The following B3GALT1 variants were observed in gnomAD, a reference collection of about 807,000 sequenced individuals.
B3GALT1 encodes the protein UDP-Gal:betaGlcNAc beta 1,3-galactosyltransferase, polypeptide 1.
In B3GALT1, 10 loss-of-function variants were observed where a neutral mutation model predicts 23.2. The ratio of observed to expected loss-of-function variants is 0.43; its 90% CI spans 0.27 to 0.73. The LOEUF (loss-of-function observed/expected upper bound fraction) is 0.73, where lower values mean the gene tolerates loss of function less well. Ranked by LOEUF, B3GALT1 falls within the 30% of genes least tolerant of loss-of-function variation. The probability of loss-of-function intolerance (pLI) is 0.21; values close to 1 mark genes in which losing one functional copy is unlikely to be tolerated. For synonymous variants in B3GALT1, 156 were observed against 141.5 expected (o/e 1.10, Z -0.73); for missense variants, 299 against 405.4 (o/e 0.74, Z 2.25).
intron 3 of B3GALT1, among the ~76,000 whole-genome samples, chr2:167,718,284 CA>C (rs59948999): frequency 0.13 from 18,532 of 143,914 alleles, 1,518 homozygotes; most frequent in East Asian, 0.38. Context: ...GGTTCATAAA[CA>C]AAAAAAAAAA....
chr2:167,801,826 C>G (rs1034890249), intron 3 of B3GALT1, among the ~76,000 whole-genome samples: 1 of 152,066 alleles, frequency 6.6e-6, no homozygotes, highest in Non-Finnish European at 1.5e-5. Flanking sequence ...ATTGATTTAC[C>G]ATATTAGCAA....
Position 167,651,261 on chromosome 2 carries a change from T to C in B3GALT1, c.-352+4295T>C, listed in dbSNP as rs1257919323. On this transcript the variant is annotated intron_variant, in intron 3 of 4. Transcript: ENST00000392690. ...TTGTGTGTGTGTGTGTGTGTGTGTG[T>C]GTGTGTGTGTGCGCGCACGTGCACA... 2.1e-4 allele frequency among the ~76,000 whole-genome samples: 3 copies of C among 14,432 alleles called. No individual in the cohort carries two copies. The Non-Finnish European group carries it at 3.7e-3, about 18-fold the overall frequency. 9.5% of individuals were successfully genotyped at this position (14,432 alleles called of 152,430 possible).
At chr2:167,388,998 G>A (rs967934723) in intron 1 of B3GALT1, among the ~76,000 whole-genome samples, 2 of 152,170 alleles carry the variant, frequency 1.3e-5, no homozygotes, top group Non-Finnish European at 2.9e-5. Context: ...ATTTCCTAGA[G>A]TGTAAATTAT....
chr2:167,428,952 G>T (rs1442153241), intron 1 of B3GALT1, among the ~76,000 whole-genome samples: 1 of 152,004 alleles, frequency 6.6e-6, no homozygotes, highest in East Asian at 1.9e-4. Flanking sequence ...GGGATTCGAG[G>T]AGATTACACA....
intron 1 of B3GALT1, among the ~76,000 whole-genome samples, chr2:167,352,130 T>C (rs928541976): frequency 6.0e-5 from 9 of 151,256 alleles, no homozygotes; most frequent in Admixed American, 3.3e-4. Flanking sequence ...CGGCTAATTT[T>C]TTTTTTTTTT....
At chr2:167,523,974 A>G (rs529165870) in intron 2 of B3GALT1, among the ~76,000 whole-genome samples, 2 of 152,300 alleles carry the variant, frequency 1.3e-5, no homozygotes, top group African/African-American at 2.4e-5. Flanking sequence ...CTTATAAACA[A>G]TACTGCAAAT....
chr2:167,758,546 A>T (rs987072009), intron 3 of B3GALT1, among the ~76,000 whole-genome samples: 1 of 151,860 alleles, frequency 6.6e-6, no homozygotes, highest in Non-Finnish European at 1.5e-5. Flanking sequence ...CCAGTCAGTG[A>T]CTCCGGCCTC....
intron 2 of B3GALT1, among the ~76,000 whole-genome samples, chr2:167,495,552 C>T (rs564513080): frequency 3.9e-5 from 6 of 152,118 alleles, no homozygotes; most frequent in Non-Finnish European, 7.4e-5. Flanking sequence ...AGGCTGGTCT[C>T]GAACTCCCAA....
intron 2 of B3GALT1, among the ~76,000 whole-genome samples, chr2:167,499,162 T>G (rs2105347058): frequency 1.3e-5 from 2 of 152,310 alleles, no homozygotes; most frequent in South Asian, 4.1e-4. Context: ...ACTCCACAAT[T>G]AACTTGGCTA....
intron 1 of B3GALT1, among the ~76,000 whole-genome samples, chr2:167,411,446 C>A (rs1698391546): frequency 6.7e-6 from 1 of 149,800 alleles, no homozygotes; most frequent in African/African-American, 2.5e-5. Flanking sequence ...TCTGAACAGG[C>A]ATTTCTCAAA....
intron 2 of B3GALT1, among the ~76,000 whole-genome samples, chr2:167,589,670 C>A (rs539481250): frequency 6.6e-6 from 1 of 152,016 alleles, no homozygotes; most frequent in Non-Finnish European, 1.5e-5. Flanking sequence ...TTTATGCTGA[C>A]ACTAGTACTA....
At chr2:167,610,029 AG>A (rs1236784357) in intron 2 of B3GALT1, among the ~76,000 whole-genome samples, 1 of 152,158 alleles carries the variant, frequency 6.6e-6, no homozygotes, top group Non-Finnish European at 1.5e-5. Context: ...AAAAATATAT[AG>A]TGCTAAACTT....
chr2:167,423,904 C>T (rs771045376), intron 1 of B3GALT1, among the ~76,000 whole-genome samples: 2 of 152,122 alleles, frequency 1.3e-5, no homozygotes, highest in Non-Finnish European at 2.9e-5. Context: ...GGGAGATACT[C>T]AATAAATATT....
chr2:167,687,836 T>C (rs1574213343), intron 3 of B3GALT1, among the ~76,000 whole-genome samples: 1 of 152,208 alleles, frequency 6.6e-6, no homozygotes, highest in East Asian at 1.9e-4. Flanking sequence ...TAAACAAATA[T>C]ACAAACTAGT....
chr2:167,515,213 G>C (rs1016673264), intron 2 of B3GALT1, among the ~76,000 whole-genome samples: 7 of 152,098 alleles, frequency 4.6e-5, no homozygotes, highest in Admixed American at 4.6e-4. Flanking sequence ...GGAAAATTCA[G>C]AGAAACATTA....
At chr2:167,704,916 A>T (rs1686945461) in intron 3 of B3GALT1, among the ~76,000 whole-genome samples, 1 of 152,042 alleles carries the variant, frequency 6.6e-6, no homozygotes, top group Non-Finnish European at 1.5e-5. Flanking sequence ...TTTTATCATC[A>T]CTATGATAAA....
At chr2:167,381,196 T>G (rs1697843124) in intron 1 of B3GALT1, among the ~76,000 whole-genome samples, 1 of 152,032 alleles carries the variant, frequency 6.6e-6, no homozygotes, top group African/African-American at 2.4e-5. Flanking sequence ...GCCTTCTGAG[T>G]AGTTGGAACT....
At chr2:167,843,904 A>G (rs1018248354) in intron 4 of B3GALT1, among the ~76,000 whole-genome samples, 3 of 152,190 alleles carry the variant, frequency 2.0e-5, no homozygotes, top group African/African-American at 7.2e-5. Flanking sequence ...TCTGACACCA[A>G]AACTGAGGCA....
chr2:167,344,179 A>G (rs1166504732), intron 1 of B3GALT1, among the ~76,000 whole-genome samples: 1 of 152,196 alleles, frequency 6.6e-6, no homozygotes, highest in Non-Finnish European at 1.5e-5. Flanking sequence ...TAATTGAAAT[A>G]AAACAAATAA....
Sources: allele counts gnomAD v4.1 joint callset (sites outside exome capture counted in the v4.1 genomes callset), GRCh38; gene constraint gnomAD v4.1.1; transcripts MANE v1.5; gene names NCBI Gene and HGNC (gene_info 2026-07-23, HGNC 2026-07-21).